Variants in RP1 observed in about 807,000 individuals in gnomAD.
The protein encoded by RP1 is RP1 axonemal microtubule associated.
In RP1, 16 loss-of-function variants were observed where a neutral mutation model predicts 14.8. The ratio of observed to expected loss-of-function variants is 1.08; its 90% confidence interval spans 0.73 to 1.65. The LOEUF (loss-of-function observed/expected upper bound fraction) is 1.65, where lower values mean the gene tolerates loss of function less well. RP1 is among the 40% of genes most tolerant of loss of function. The pLI is 0.00. For missense variants in RP1, 2,631 were observed against 2,535.0 expected, an observed-to-expected ratio of 1.04 and a Z score of -0.81; for synonymous variants, 876 against 883.6, an observed-to-expected ratio of 0.99 and a Z score of 0.15.
In RP1 at chr8:54,591,756, C is replaced by T. The variant is rs116941878; in HGVS notation, c.-12-29199C>T. Among the ~76,000 whole-genome samples the T allele has an allele frequency of 3.6e-3, 546 of 152,186 alleles. 5 individuals are homozygous for T. Among genetic ancestry groups the T allele is most frequent in the East Asian group, 0.017 (89 of 5,166 alleles). On this transcript the variant is annotated intron_variant, in intron 1 of 22. Coordinates refer to the RP1 transcript ENST00000636932. ...TCTGGATTAGGCTGGGTTTATCATG[C>T]GTCAGCGGCCAGGTGGGTGGCTCTT...
intron 23 of RP1, among the ~76,000 whole-genome samples, chr8:54,779,360 G>A (rs1393457964): frequency 6.6e-6 from 1 of 152,184 alleles, no homozygotes; most frequent in East Asian, 1.9e-4. Flanking sequence ...AGGGCAAGCA[G>A]ATGTGAAGAG....
intron 27 of RP1, among the ~76,000 whole-genome samples, chr8:54,865,628 T>C (rs978450835): frequency 6.6e-6 from 1 of 152,136 alleles, no homozygotes; most frequent in Non-Finnish European, 1.5e-5. Context: ...GTCCCTATCT[T>C]CTCTTGTCCT....
intron 28 of RP1, among the ~76,000 whole-genome samples, chr8:54,869,579 G>A (rs1235311286): frequency 6.6e-6 from 1 of 152,162 alleles, no homozygotes; most frequent in African/African-American, 2.4e-5. Flanking sequence ...TAGAATATTT[G>A]TAATGTTACC....
At chr8:54,829,188 A>G (rs1017400595) in intron 24 of RP1, among the ~76,000 whole-genome samples, 1 of 152,124 alleles carries the variant, frequency 6.6e-6, no homozygotes, top group Non-Finnish European at 1.5e-5. Flanking sequence ...AAATGTTGTT[A>G]TGCAGTGCAT....
intron 24 of RP1, among the ~76,000 whole-genome samples, chr8:54,836,695 T>A (rs1811665193): frequency 6.6e-6 from 1 of 152,280 alleles, no homozygotes; most frequent in East Asian, 1.9e-4. Context: ...AGTGCCTTGA[T>A]CTCAGACTGG....
intron 22 of RP1, among the ~76,000 whole-genome samples, chr8:54,761,308 C>G (rs1175016512): frequency 6.8e-6 from 1 of 147,748 alleles, no homozygotes; most frequent in Non-Finnish European, 1.5e-5. Flanking sequence ...TCAATCTCAG[C>G]TCACTGCAAC....
At chr8:54,753,497 A>G (rs979279825) in intron 19 of RP1, among the ~76,000 whole-genome samples, 1 of 152,202 alleles carries the variant, frequency 6.6e-6, no homozygotes, top group East Asian at 1.9e-4. Flanking sequence ...TGTGTAAGCT[A>G]TGAAGGATGG....
chr8:54,848,886 T>C (rs1191543897), intron 25 of RP1, among the ~76,000 whole-genome samples: 2 of 152,100 alleles, frequency 1.3e-5, no homozygotes, highest in Non-Finnish European at 2.9e-5. Context: ...GTAGCTGAGA[T>C]TACAGGCGCC....
At chr8:54,739,441 C>T (rs190582103) in intron 19 of RP1, among the ~76,000 whole-genome samples, 1 of 152,120 alleles carries the variant, frequency 6.6e-6, no homozygotes, top group Non-Finnish European at 1.5e-5. Flanking sequence ...ATAATGTGAA[C>T]AAAATTTTTG....
At chr8:54,605,845 G>C (rs1322685346) in intron 1 of RP1, among the ~76,000 whole-genome samples, 1 of 151,888 alleles carries the variant, frequency 6.6e-6, no homozygotes, top group Non-Finnish European at 1.5e-5. Flanking sequence ...TGTTTTATCC[G>C]AGACTAGGAT....
intron 21 of RP1, among the ~76,000 whole-genome samples, chr8:54,756,008 G>A (rs1809497286): frequency 2.0e-5 from 3 of 152,102 alleles, no homozygotes; most frequent in Non-Finnish European, 4.4e-5. Context: ...TTAAAAATTA[G>A]TGATCATGTG....
chr8:54,652,765 C>T lies in RP1; in HGVS notation c.952-15C>T, dbSNP rs892676546. 12 of 1,526,212 alleles carry T rather than the reference C, an allele frequency of 7.9e-6. No homozygotes were observed. The African/African-American group carries it at 1.2e-4, about 16-fold the overall frequency. The allele number at this position is 1,526,212 out of a possible 1,614,324, so 94.5% of individuals were successfully genotyped here. A position where few individuals can be genotyped will look rare whatever the true frequency, so the allele number is the denominator to read the frequency against. The stretch of plus-strand genomic sequence containing the variant: ...GTGAAATTACATTGAAAGTTGTTCC[C>T]TTGGCTCTTCATAGATAACAGTTGG... On this transcript the variant is annotated splice_polypyrimidine_tract_variant and intron_variant, in intron 4 of 22. Coordinates refer to the RP1 transcript ENST00000636932.
intron 23 of RP1, chr8:54,780,807 C>A: frequency 2.4e-6 from 1 of 419,330 alleles, no homozygotes; most frequent in Non-Finnish European, 3.2e-6. Context: ...TTTCTGGAAC[C>A]AATCCTCCAC....
chr8:54,581,001 TC>T (rs1804778963), intron 1 of RP1, among the ~76,000 whole-genome samples: 12 of 151,360 alleles, frequency 7.9e-5, no homozygotes, highest in Non-Finnish European at 1.5e-4. Context: ...TATTTATTTA[TC>T]TATTTATTTT....
Position 54,629,449 on chromosome 8 carries a change from G to T in RP1, c.5567G>T (p.Gly1856Val). The T allele has an allele frequency of 6.2e-7, 1 of 1,614,162 alleles. No homozygotes were observed. The highest frequency in any genetic ancestry group is 8.5e-7 in the Non-Finnish European group (1 of 1,180,000). Reference protein sequence around the residue: ...RIANHHTEEKGSHQSERVCTS... With the variant: ...RIANHHTEEKVSHQSERVCTS... ...GCAAATCATCATACAGAGGAGAAGG[G>T]TAGTCATCAGTCAGAAAGAGTATGC... The change falls in exon 4 of 4, where the codon GGT becomes GTT. Residue 1856 changes from glycine to valine, a missense_variant. Physicochemically the swap from Gly to Val is moderately radical, Grantham distance 109. Coordinates refer to ENST00000220676, the MANE Select transcript of RP1 (RefSeq NM_006269.2).
At chr8:54,610,145 A>T (rs1483217584) in intron 1 of RP1, among the ~76,000 whole-genome samples, 1 of 152,216 alleles carries the variant, frequency 6.6e-6, no homozygotes, top group East Asian at 1.9e-4. Flanking sequence ...TCACATTGCT[A>T]AAGCCCATGC....
intron 25 of RP1, among the ~76,000 whole-genome samples, chr8:54,851,268 T>TC (rs1812055863): frequency 6.6e-6 from 1 of 152,150 alleles, no homozygotes; most frequent in East Asian, 1.9e-4. Flanking sequence ...AATATGGAGT[T>TC]TGTGTTCTAA....
At chr8:54,859,359 G>A (rs1812286237) in intron 27 of RP1, among the ~76,000 whole-genome samples, 1 of 141,466 alleles carries the variant, frequency 7.1e-6, no homozygotes, top group African/African-American at 2.7e-5. Flanking sequence ...CCTGTGGAGT[G>A]TGTCACTGTG....
intron 12 of RP1, chr8:54,697,272 T>G: frequency 1.7e-6 from 1 of 573,904 alleles, no homozygotes; most frequent in East Asian, 3.1e-5. Flanking sequence ...AGACAGTACC[T>G]GGCCGGGCGT....
Sources: gnomAD v4.1 joint callset for allele counts (sites outside exome capture counted in the v4.1 genomes callset) on GRCh38, gnomAD v4.1.1 for gene constraint, MANE v1.5 for transcripts, NCBI Gene and HGNC (gene_info 2026-07-23, HGNC 2026-07-21) for gene names.